ATP4A: variants seen among roughly 807,000 people sequenced by gnomAD.
The protein encoded by ATP4A is ATPase H+/K+ transporting subunit alpha.
Under a neutral mutation model 112.1 loss-of-function variants are expected in ATP4A, and 73 were observed. The ratio of observed to expected loss-of-function variants is 0.65; its 90% CI spans 0.54 to 0.79. ATP4A has a LOEUF of 0.79. Ranked by LOEUF, ATP4A falls within the 30% of genes least tolerant of loss-of-function variation. The probability of loss-of-function intolerance (pLI) is 0.00; values close to 1 mark genes in which losing one functional copy is unlikely to be tolerated. For synonymous variants in ATP4A, 588 were observed against 588.9 expected (o/e 1.00, Z 0.02); for missense variants, 1,081 against 1,425.9 (o/e 0.76, Z 3.90).
chr19:35,562,352 C>T, intron 4 of ATP4A, 83 bp downstream of exon 4: 1 of 1,478,974 alleles, frequency 6.8e-7, no homozygotes. Flanking sequence ...TCCTTCTCTG[C>T]CCCTCTTGTC....
intron 4 of ATP4A, among the ~76,000 whole-genome samples, chr19:35,561,601 G>A (rs571901699): frequency 6.6e-6 from 1 of 152,034 alleles, no homozygotes; most frequent in African/African-American, 2.4e-5. Context: ...CATGTCACAT[G>A]TCCCTGAGTC....
At chr19:35,553,356 C>T (rs1733918629) in intron 17 of ATP4A, among the ~76,000 whole-genome samples, 174 bp from the exon 18 acceptor site, 1 of 151,538 alleles carries the variant, frequency 6.6e-6, no homozygotes, top group South Asian at 2.1e-4. Context: ...ACACACAGAG[C>T]CAGGGACACA....
chr19:35,553,600 A>G (rs2251125), intron 17 of ATP4A, 106 bp downstream of exon 17: 681,617 of 1,473,660 alleles, frequency 0.46, 160,844 homozygotes, highest in Non-Finnish European at 0.49. Context: ...CCAAATGCAG[A>G]CACTGAGGTC....
rs764144380 is a variant in ATP4A at position 35,557,004 on chromosome 19, C to A, written c.1778G>T (p.Gly593Val). 4 of 1,614,096 alleles carry A rather than the reference C, an allele frequency of 2.5e-6. No individual in the cohort carries two copies. The African/African-American group carries it at 5.3e-5, about 22-fold the overall frequency. ...DVEAMNFPSS[G>V]LCFAGLVSMI... ...GGATACAAGTCCCGCAAAGCAGAGG[C>A]CGCTAGATGGAAAGTTCATGGCCTC... The change falls in exon 12 of 22, where the codon GGC becomes GTC. Residue 593 changes from glycine to valine, a missense_variant. Around this residue, in one of 3 missense-constraint regions of ATP4A, gnomAD observed 850 missense variants for 1,068.2 expected, o/e 0.80. Coordinates refer to ENST00000262623, the MANE Select transcript of ATP4A (RefSeq NM_000704.3). The surrounding 1 kb of genome is among the most constrained non-coding windows in gnomAD (Gnocchi z 4.4).
Position 35,556,999 on chromosome 19 carries a change from A to G in ATP4A, c.1783T>C (p.Cys595Arg). ...ATCATGGATACAAGTCCCGCAAAGC[A>G]GAGGCCGCTAGATGGAAAGTTCATG... is the stretch of plus-strand genomic sequence containing the variant. ...EAMNFPSSGL[C>R]FAGLVSMIDP... Residue 595 changes from cysteine to arginine, a missense_variant, in exon 12 of 22, where the codon TGC (cysteine) becomes CGC (arginine). This residue lies in a region of ATP4A where 850 missense variants were observed against 1,068.2 expected (regional missense o/e 0.80). Transcript: ENST00000262623. 6.2e-7 allele frequency: 1 copy of G among 1,614,240 alleles called. No homozygotes were observed. Among genetic ancestry groups the G allele is most frequent in the African/African-American group, 1.3e-5 (1 of 75,064 alleles).
intron 3 of ATP4A, 46 bp downstream of exon 3, chr19:35,563,163 C>CCT: frequency 6.2e-7 from 1 of 1,606,086 alleles, no homozygotes; most frequent in Non-Finnish European, 8.5e-7. Context: ...CCTCTCCCTC[C>CCT]CTCTCTCCTC....
Position 35,558,417 on chromosome 19 carries a change from C to T in ATP4A, c.1445G>A (p.Arg482Gln), listed in dbSNP as rs773403696. The change falls in exon 10 of 22, where the codon CGG (arginine) becomes CAG (glutamine). Residue 482 changes from arginine to glutamine, a missense_variant. Arg to Gln is a conservative substitution (Grantham distance 43, BLOSUM62 1). Around this residue, in one of 3 missense-constraint regions of ATP4A, gnomAD observed 850 missense variants for 1,068.2 expected, o/e 0.80. Coordinates refer to ENST00000262623, the MANE Select transcript of ATP4A (RefSeq NM_000704.3). The surrounding 1 kb of genome is among the most constrained non-coding windows in gnomAD (Gnocchi z 5.1). ...CTCGCAGACTTTTGGGAAGCGGTCCCGGTAGCCCATGGCGTTGCCCAGCGT... is the reference window on the plus strand; with the variant it reads ...CTCGCAGACTTTTGGGAAGCGGTCCTGGTAGCCCATGGCGTTGCCCAGCGT... The part of the protein sequence containing the change: ...ELTLGNAMGY[R>Q]DRFPKVCEIP... 5 of 1,610,310 alleles carry T rather than the reference C, an allele frequency of 3.1e-6. No individual in the cohort carries two copies. Among genetic ancestry groups the T allele is most frequent in the Non-Finnish European group, 4.2e-6 (5 of 1,178,546 alleles).
At position 35,558,731 on chromosome 19, in the gene ATP4A, C is replaced by G. The variant is rs566221157; in HGVS notation, c.1256-45G>C. ...GCTGGGTCCCGCACGGCGGCTCTCC[C>G]GGACCAGAACCGAGCCCCCTCCTCC... On this transcript the variant is annotated intron_variant, in intron 8 of 21. Transcript: ENST00000262623. This position sits in a 1 kb window ranked among gnomAD's most constrained non-coding sequence, Gnocchi z 5.1. The G allele has an allele frequency of 3.9e-6, 6 of 1,526,068 alleles. No homozygotes were observed. Among genetic ancestry groups the G allele is most frequent in the Non-Finnish European group, 4.4e-6 (5 of 1,135,316 alleles). 94.5% of individuals were successfully genotyped at this position (1,526,068 alleles called of 1,614,324 possible).
rs2071649254 is a variant in ATP4A, at chr19:35,558,776, C to A, written c.1256-90G>T. The A allele has an allele frequency of 2.9e-6, 4 of 1,397,052 alleles. No individual in the cohort carries two copies. In the South Asian group the frequency reaches 5.5e-5, roughly 19 times the overall value. The allele number at this position is 1,397,052 out of a possible 1,614,324, so 86.5% of individuals were successfully genotyped here. Reference sequence around the variant, plus strand: ...TCCTCCTAGGCTCATATCGCGGGCCCCCTCCCCAGACCTGGGTGGAATTGG... The same window carrying A: ...TCCTCCTAGGCTCATATCGCGGGCCACCTCCCCAGACCTGGGTGGAATTGG... On this transcript the variant is annotated intron_variant, in intron 8 of 21. Coordinates refer to ENST00000262623, the MANE Select transcript of ATP4A (RefSeq NM_000704.3). The surrounding 1 kb of genome is among the most constrained non-coding windows in gnomAD (Gnocchi z 5.1).
Position 35,563,529 on chromosome 19 carries a change from TG to T in ATP4A, c.13-3del. On this transcript the variant is annotated splice_polypyrimidine_tract_variant and splice_region_variant and intron_variant, in intron 1 of 21. Transcript: ENST00000262623. ...CACCGAGTAGAGCTCATAGTTCTCC[TG>T]GGAATGGACAGGATGGAGGGAGGGA... 6.2e-7 allele frequency: 1 copy of T among 1,613,638 alleles called. No individual in the cohort carries two copies. The highest frequency in any genetic ancestry group is 1.7e-5 in the Admixed American group (1 of 59,988).
In ATP4A at chr19:35,560,305, A is replaced by G; in HGVS notation, c.787+58T>C. On this transcript the variant is annotated intron_variant, in intron 6 of 21. Transcript: ENST00000262623. The surrounding 1 kb of genome is among the most constrained non-coding windows in gnomAD (Gnocchi z 5.1). ...GAAGCCCCCTGTCCTAGAAGATAGCAGGAGAGAGGCCAGTGGAGGCAGCAG... is the reference window on the plus strand; with the variant it reads ...GAAGCCCCCTGTCCTAGAAGATAGCGGGAGAGAGGCCAGTGGAGGCAGCAG... 1 of 1,603,726 alleles carries G rather than the reference A, an allele frequency of 6.2e-7. No homozygotes were observed. The highest frequency in any genetic ancestry group is 2.2e-5 in the East Asian group (1 of 44,718).
chr19:35,562,781 C>A, intron 3 of ATP4A, 143 bp from the exon 4 acceptor site: 1 of 791,200 alleles, frequency 1.3e-6, no homozygotes, highest in East Asian at 2.7e-5. Context: ...GTTCCTGCCC[C>A]CACCCCATCT....
chr19:35,551,256 C>G lies in ATP4A; in HGVS notation c.2886-145G>C, dbSNP rs1421662567. Reference sequence around the variant, plus strand: ...CACTGGAGTGGCCCGGGCCTCTCAGCACCACCCCTTTAGTGAAATGTGGAG... The same window carrying G: ...CACTGGAGTGGCCCGGGCCTCTCAGGACCACCCCTTTAGTGAAATGTGGAG... On this transcript the variant is annotated intron_variant, in intron 19 of 21. Transcript: ENST00000262623. This position sits in a 1 kb window ranked among gnomAD's most constrained non-coding sequence, Gnocchi z 5.2. The G allele has an allele frequency of 3.3e-6, 4 of 1,210,546 alleles. No individual in the cohort carries two copies. Among genetic ancestry groups the G allele is most frequent in the Non-Finnish European group, 4.7e-6 (4 of 857,802 alleles). The allele number at this position is 1,210,546 out of a possible 1,614,324, so 75.0% of individuals were successfully genotyped here.
In ATP4A at chr19:35,560,662, G is replaced by A. The variant is rs1382732298; in HGVS notation, c.535-47C>T. ...GTTGAGGTGGACGGGGGTGGGGGTGGGAGCTGCTGCATGTGGGGAGGTAAA... is the reference window on the plus strand; with the variant it reads ...GTTGAGGTGGACGGGGGTGGGGGTGAGAGCTGCTGCATGTGGGGAGGTAAA... On this transcript the variant is annotated intron_variant, in intron 5 of 21. Coordinates refer to ENST00000262623, the MANE Select transcript of ATP4A (RefSeq NM_000704.3). This position sits in a 1 kb window ranked among gnomAD's most constrained non-coding sequence, Gnocchi z 5.1. 4 of 1,567,008 alleles carry A rather than the reference G, an allele frequency of 2.6e-6. No individual in the cohort carries two copies. Among genetic ancestry groups the A allele is most frequent in the East Asian group, 2.3e-5 (1 of 44,374 alleles).
Position 35,558,498 on chromosome 19 carries a change from T to TGGGAGCG in ATP4A, c.1366-9_1366-3dup. 4 of 1,594,080 alleles carry TGGGAGCG rather than the reference T, an allele frequency of 2.5e-6. No individual in the cohort carries two copies. Among genetic ancestry groups the TGGGAGCG allele is most frequent in the Non-Finnish European group, 3.4e-6 (4 of 1,171,198 alleles). On this transcript the variant is annotated splice_polypyrimidine_tract_variant and splice_region_variant and intron_variant, in intron 9 of 21. Transcript: ENST00000262623. The surrounding 1 kb of genome is among the most constrained non-coding windows in gnomAD (Gnocchi z 5.1). ...CGATGCGTCTCCAATCACGATGCGCTGGGAGCGGGGACCGGTGTCAGGGGC... is the reference window on the plus strand; with the variant it reads ...CGATGCGTCTCCAATCACGATGCGCTGGGAGCGGGGAGCGGGGACCGGTGTCAGGGGC...
chr19:35,562,693 C>G (rs1208488630), intron 3 of ATP4A, 55 bp from the exon 4 acceptor site: 3 of 1,496,496 alleles, frequency 2.0e-6, no homozygotes, highest in African/African-American at 1.4e-5. Context: ...CACATGCACA[C>G]CCCGTGGAAA....
chr19:35,553,979 A>C, intron 16 of ATP4A, 150 bp from the exon 17 acceptor site: 6 of 1,174,442 alleles, frequency 5.1e-6, no homozygotes, highest in Non-Finnish European at 6.9e-6. Flanking sequence ...ACCAGCCTGG[A>C]CAGCCTGGGC....
In ATP4A at chr19:35,556,931, A is replaced by T; in HGVS notation, c.1851T>A (p.Cys617Ter). ...RATVPDAVLKCRTAGIRVIMV... is the reference protein window; with the variant it reads ...RATVPDAVLK Reference sequence around the variant, plus strand: ...GGCATACCCGGATGCCTGCGGTGCGACACTTGAGCACAGCATCAGGGACGG... The same window carrying T: ...GGCATACCCGGATGCCTGCGGTGCGTCACTTGAGCACAGCATCAGGGACGG... The change falls in exon 12 of 22, where the codon TGT becomes TGA. Residue 617 changes from cysteine to a stop codon, truncating the protein, a stop_gained. Coordinates refer to ENST00000262623, the MANE Select transcript of ATP4A (RefSeq NM_000704.3). LOFTEE classifies it high-confidence loss of function. 6.2e-7 allele frequency: 1 copy of T among 1,614,058 alleles called. No individual in the cohort carries two copies. Among genetic ancestry groups the T allele is most frequent in the Non-Finnish European group, 8.5e-7 (1 of 1,179,926 alleles).
rs2071593110 is a variant in ATP4A at position 35,550,189 on chromosome 19, C to CAGAT, written c.*422_*425dup. ...AGACGCTGAGGACAGTGCCTGGCACCAGATACAGCACAGTCAGCATGAGCT... is the reference window on the plus strand; with the variant it reads ...AGACGCTGAGGACAGTGCCTGGCACCAGATAGATACAGCACAGTCAGCATGAGCT... On this transcript the variant is annotated 3_prime_UTR_variant, in exon 22 of 22. Transcript: ENST00000262623. The surrounding 1 kb of genome is among the most constrained non-coding windows in gnomAD (Gnocchi z 4.1). 3 of 239,232 alleles carry CAGAT rather than the reference C, an allele frequency of 1.3e-5. No homozygotes were observed. The South Asian group carries it at 1.7e-4, about 14-fold the overall frequency. 14.8% of individuals were successfully genotyped at this position (239,232 alleles called of 1,614,324 possible).
Sources: allele counts gnomAD v4.1 joint callset (sites outside exome capture counted in the v4.1 genomes callset), GRCh38; gene constraint gnomAD v4.1.1; regional missense constraint gnomAD v4.1.1; non-coding constraint Gnocchi (gnomAD v3.1); transcripts MANE v1.5; gene names NCBI Gene and HGNC (gene_info 2026-07-23, HGNC 2026-07-21).